The following LDAH variants were observed in gnomAD, a reference collection of about 807,000 sequenced individuals.
The protein encoded by LDAH is lipid droplet associated hydrolase.
Under a neutral mutation model 29.6 loss-of-function variants are expected in LDAH, and 26 were observed. The ratio of observed to expected loss-of-function variants is 0.88; its 90% CI spans 0.64 to 1.22. The LOEUF (loss-of-function observed/expected upper bound fraction) is 1.22, where lower values mean the gene tolerates loss of function less well. LDAH is among the 50% of genes most tolerant of loss of function. The probability of loss-of-function intolerance (pLI) is 0.00; values close to 1 mark genes in which losing one functional copy is unlikely to be tolerated. For missense variants in LDAH, 344 were observed against 387.3 expected (o/e 0.89, Z 0.94); for synonymous variants, 117 against 133.0 (o/e 0.88, Z 0.83).
Position 20,801,356 on chromosome 2 carries a change from A to T in LDAH, c.108T>A (p.His36Gln). ...LKCGPWTDLFHDQSVKRPKLL... is the reference protein window; with the variant it reads ...LKCGPWTDLFQDQSVKRPKLL... The stretch of plus-strand genomic sequence containing the variant: ...GCTTAGGCCTTTTGACACTTTGATC[A>T]TGAAAGAGGTCTGTCCAGGGCCCAC... The change falls in exon 2 of 7, where the codon CAT becomes CAA. Residue 36 changes from histidine to glutamine, a missense_variant. Coordinates refer to ENST00000237822, the MANE Select transcript of LDAH (RefSeq NM_021925.4). The T allele has an allele frequency of 6.2e-7, 1 of 1,614,172 alleles. No individual in the cohort carries two copies. Among genetic ancestry groups the T allele is most frequent in the Non-Finnish European group, 8.5e-7 (1 of 1,180,024 alleles).
At chr2:20,756,789 T>C (rs1668374987) in intron 4 of LDAH, among the ~76,000 whole-genome samples, 1 of 152,140 alleles carries the variant, frequency 6.6e-6, no homozygotes, top group Non-Finnish European at 1.5e-5. Context: ...TACAAGAGTT[T>C]TCAGTGTGTA....
At chr2:20,795,241 C>G (rs1215454934) in intron 2 of LDAH, among the ~76,000 whole-genome samples, 1 of 152,186 alleles carries the variant, frequency 6.6e-6, no homozygotes, top group African/African-American at 2.4e-5. Flanking sequence ...TGCTAATAAT[C>G]TCCAACTATA....
At chr2:20,756,890 CT>C (rs201541558) in intron 4 of LDAH, among the ~76,000 whole-genome samples, 273 of 149,440 alleles carry the variant, frequency 1.8e-3, no homozygotes, top group African/African-American at 6.1e-3. Flanking sequence ...TATTCTAAAA[CT>C]TTCCAGAGGA....
intron 4 of LDAH, among the ~76,000 whole-genome samples, chr2:20,767,320 A>C (rs972942461): frequency 2.0e-5 from 3 of 150,704 alleles, no homozygotes; most frequent in Non-Finnish European, 2.9e-5. Flanking sequence ...GAAGGCTTGG[A>C]GAGGCCTGCT....
chr2:20,740,659 G>A (rs112036784), intron 4 of LDAH, among the ~76,000 whole-genome samples: 1,747 of 152,158 alleles, frequency 0.011, 27 homozygotes, highest in African/African-American at 0.04. Context: ...TGAATGTACC[G>A]TAGTGTATTT....
intron 2 of LDAH, 121 bp downstream of exon 2, chr2:20,801,189 G>T: frequency 9.7e-7 from 1 of 1,035,168 alleles, no homozygotes; most frequent in Non-Finnish European, 1.4e-6. Flanking sequence ...TTAACAATGG[G>T]TCAAGCGATT....
At chr2:20,699,979 G>A (rs947277609) in intron 6 of LDAH, among the ~76,000 whole-genome samples, 2 of 152,216 alleles carry the variant, frequency 1.3e-5, no homozygotes, top group Non-Finnish European at 2.9e-5. Context: ...TGGTAAAGCA[G>A]ACTCTGACAC....
At chr2:20,705,697 A>T (rs996387481) in intron 5 of LDAH, among the ~76,000 whole-genome samples, 2 of 152,248 alleles carry the variant, frequency 1.3e-5, no homozygotes, top group African/African-American at 4.8e-5. Context: ...GATCAAAGAC[A>T]TAATTTTTCC....
At chr2:20,787,275 G>C (rs758494145) in intron 3 of LDAH, among the ~76,000 whole-genome samples, 3 of 152,002 alleles carry the variant, frequency 2.0e-5, no homozygotes, top group Non-Finnish European at 2.9e-5. Context: ...TTTTAGTTTT[G>C]TTCAGCTTTT....
chr2:20,788,234 G>A (rs1165979514), intron 3 of LDAH, among the ~76,000 whole-genome samples: 1 of 152,042 alleles, frequency 6.6e-6, no homozygotes, highest in Non-Finnish European at 1.5e-5. Context: ...AAAATACAAG[G>A]TTAACAATTA....
intron 4 of LDAH, among the ~76,000 whole-genome samples, chr2:20,760,684 C>T (rs62124019): frequency 2.0e-5 from 3 of 152,188 alleles, no homozygotes; most frequent in Non-Finnish European, 2.9e-5. Context: ...CCATATAGGC[C>T]GCCCAACATA....
chr2:20,753,612 A>G (rs1668110010), intron 4 of LDAH, among the ~76,000 whole-genome samples: 1 of 152,160 alleles, frequency 6.6e-6, no homozygotes, highest in African/African-American at 2.4e-5. Context: ...GGCAAATGCA[A>G]TGAAAGTTTC....
chr2:20,733,270 A>G (rs924611790), intron 5 of LDAH, among the ~76,000 whole-genome samples: 1 of 151,630 alleles, frequency 6.6e-6, no homozygotes, highest in Non-Finnish European at 1.5e-5. Flanking sequence ...TCACTCTGTC[A>G]CCCAGGCTGG....
At chr2:20,739,884 G>C in intron 5 of LDAH, 87 bp downstream of exon 5, 2 of 894,158 alleles carry the variant, frequency 2.2e-6, no homozygotes, top group Non-Finnish European at 3.3e-6. Context: ...ATAATTGCTT[G>C]CTTGATATTT....
At chr2:20,712,374 A>T (rs968486052) in intron 5 of LDAH, among the ~76,000 whole-genome samples, 1 of 152,212 alleles carries the variant, frequency 6.6e-6, no homozygotes, top group Non-Finnish European at 1.5e-5. Context: ...CCAAAACCCC[A>T]TCTGTAGGTC....
intron 4 of LDAH, among the ~76,000 whole-genome samples, chr2:20,754,413 C>T (rs1248628062): frequency 6.8e-6 from 1 of 146,132 alleles, no homozygotes; most frequent in Non-Finnish European, 1.5e-5. Flanking sequence ...ACTGCTTGAA[C>T]CCAGGAGGTG....
intron 1 of LDAH, among the ~76,000 whole-genome samples, chr2:20,809,780 TAAATA>T (rs946018566): frequency 5.9e-5 from 9 of 152,086 alleles, no homozygotes; most frequent in African/African-American, 2.2e-4. Flanking sequence ...ACAGAAACTA[TAAATA>T]AAATACCATT....
intron 5 of LDAH, among the ~76,000 whole-genome samples, chr2:20,725,341 C>T (rs1665936954): frequency 6.6e-6 from 1 of 152,182 alleles, no homozygotes; most frequent in Admixed American, 6.5e-5. Flanking sequence ...ATGAGCTCTA[C>T]TGTGGATGGG....
At chr2:20,759,456 C>A (rs1429846936) in intron 4 of LDAH, among the ~76,000 whole-genome samples, 1 of 152,110 alleles carries the variant, frequency 6.6e-6, no homozygotes, top group Non-Finnish European at 1.5e-5. Context: ...TCATTTAGTG[C>A]CTGCTAGGCT....
Sources: gnomAD v4.1 joint callset for allele counts (sites outside exome capture counted in the v4.1 genomes callset) on GRCh38, gnomAD v4.1.1 for gene constraint, MANE v1.5 for transcripts, NCBI Gene and HGNC (gene_info 2026-07-23, HGNC 2026-07-21) for gene names.